ZNF713: variants seen among roughly 807,000 people sequenced by gnomAD.
ZNF713 encodes the protein zinc finger protein 713.
ZNF713 carries 21 observed loss-of-function variants against 28.7 expected under a neutral mutation model. That is an observed-to-expected ratio of 0.73 (90% CI 0.52 to 1.05). The LOEUF (loss-of-function observed/expected upper bound fraction) is 1.05, where lower values mean the gene tolerates loss of function less well. Ranked by LOEUF, ZNF713 falls within the 50% of genes least tolerant of loss-of-function variation. The probability of loss-of-function intolerance (pLI) is 0.00; values close to 1 mark genes in which losing one functional copy is unlikely to be tolerated. For synonymous variants in ZNF713, 167 were observed against 178.0 expected (o/e 0.94, Z 0.49); for missense variants, 458 against 532.4 (o/e 0.86, Z 1.37).
chr7:55,919,751 A>G (rs1033194507), intron 4 of ZNF713, among the ~76,000 whole-genome samples: 1 of 152,110 alleles, frequency 6.6e-6, no homozygotes, highest in Non-Finnish European at 1.5e-5. Flanking sequence ...TAAAAGCTCA[A>G]TTAATCACCA....
intron 1 of ZNF713, 107 bp downstream of exon 1, chr7:55,887,787 CGGGGGGCGGAGGCGGG>C: frequency 7.9e-3 from 5 of 632 alleles, no homozygotes; most frequent in Admixed American, 0.021. Flanking sequence ...GGGGCGGAGG[CGGGGGGCGGAGGCGGG>C]GGGCGGCGGG....
At position 55,923,601 on chromosome 7, in the gene ZNF713, G is replaced by A. The variant is rs746673284; in HGVS notation, c.215-6G>A. ...CTCCTAAGATGTATGTTACTCCTGT[G>A]AATAGGGTATCAGCTTTGTAAGCCA... is the stretch of plus-strand genomic sequence containing the variant. On this transcript the variant is annotated splice_region_variant and splice_polypyrimidine_tract_variant and intron_variant, in intron 5 of 6. Transcript: ENST00000429591. 19 of 1,591,116 alleles carry A rather than the reference G, an allele frequency of 1.2e-5. No individual in the cohort carries two copies. The highest frequency in any genetic ancestry group is 3.5e-5 in the Admixed American group (2 of 57,174).
intron 6 of ZNF713, among the ~76,000 whole-genome samples, chr7:55,929,157 A>G (rs1028631121): frequency 1.3e-5 from 2 of 152,132 alleles, no homozygotes; most frequent in African/African-American, 4.8e-5. Flanking sequence ...ACGTGCCTAC[A>G]AGAGTTTGAG....
intron 4 of ZNF713, among the ~76,000 whole-genome samples, chr7:55,919,490 GTTTTTTTTTTT>G (rs55656709): frequency 9.0e-5 from 6 of 66,770 alleles, no homozygotes; most frequent in South Asian, 5.2e-4. Flanking sequence ...AAACACTCCA[GTTTTTTTTTTT>G]TTTTTTTTTT....
rs761786285 is a variant in ZNF713 at position 55,940,055 on chromosome 7, G to C, written c.*49G>C. 2.7e-6 allele frequency: 4 copies of C among 1,506,296 alleles called. No individual in the cohort carries two copies. The highest frequency in any genetic ancestry group is 2.7e-6 in the Non-Finnish European group (3 of 1,130,702). 93.3% of individuals were successfully genotyped at this position (1,506,296 alleles called of 1,614,324 possible). ...AATATATAAATGTAGGAGATTTTTTGGTCAGACCTTTTTATCCCATTCAAT... is the reference window on the plus strand; with the variant it reads ...AATATATAAATGTAGGAGATTTTTTCGTCAGACCTTTTTATCCCATTCAAT... On this transcript the variant is annotated 3_prime_UTR_variant, in exon 7 of 7. Coordinates refer to ENST00000429591, the MANE Select transcript of ZNF713 (RefSeq NM_182633.3).
At chr7:55,937,584 A>C (rs1786379201) in intron 6 of ZNF713, among the ~76,000 whole-genome samples, 1 of 152,092 alleles carries the variant, frequency 6.6e-6, no homozygotes, top group South Asian at 2.1e-4. Flanking sequence ...TGACAATGTA[A>C]CAGTAGGAAC....
intron 6 of ZNF713, among the ~76,000 whole-genome samples, chr7:55,930,070 T>C (rs749226656): frequency 6.7e-6 from 1 of 148,244 alleles, no homozygotes; most frequent in Non-Finnish European, 1.5e-5. Flanking sequence ...GAACAGTTCT[T>C]TTTTTTTTGA....
At chr7:55,916,346 C>T (rs991020213) in intron 4 of ZNF713, among the ~76,000 whole-genome samples, 19 of 152,238 alleles carry the variant, frequency 1.2e-4, no homozygotes, top group African/African-American at 4.3e-4. Flanking sequence ...CACTGTTAAC[C>T]TGTCAAGCTT....
At chr7:55,915,852 T>G (rs1423877882) in intron 4 of ZNF713, among the ~76,000 whole-genome samples, 1 of 152,140 alleles carries the variant, frequency 6.6e-6, no homozygotes, top group African/African-American at 2.4e-5. Flanking sequence ...AGCAGAAAGA[T>G]AACATAATAA....
chr7:55,937,096 C>T (rs1374883285), intron 6 of ZNF713, among the ~76,000 whole-genome samples: 6 of 151,942 alleles, frequency 3.9e-5, no homozygotes, highest in Admixed American at 1.3e-4. Context: ...CTTGGGAATT[C>T]GAGACCAGCC....
chr7:55,887,846 GGCGGCGGCGGGCGGCGGGCGGCGGCGGC>G lies in ZNF713; in HGVS notation c.-583+168_-583+195del, dbSNP rs1562731726. ...CGGCGGGCGGCGGGCGGCGGGCGGC[GGCGGCGGCGGGCGGCGGGCGGCGGCGGC>G]GGCGGCGGCGGCGGGCGGCGGCGGC... On this transcript the variant is annotated intron_variant, in intron 1 of 6. Transcript: ENST00000429591. 5.6e-3 allele frequency among the ~76,000 whole-genome samples: 76 copies of G among 13,688 alleles called. 15 individuals carry two copies. The highest frequency in any genetic ancestry group is 0.017 in the East Asian group (6 of 362). The allele number at this position is 13,688 out of a possible 152,430, so 9.0% of individuals were successfully genotyped here. A position where few individuals can be genotyped will look rare whatever the true frequency, so the allele number is the denominator to read the frequency against.
intron 2 of ZNF713, among the ~76,000 whole-genome samples, chr7:55,909,775 T>C (rs1785749951): frequency 6.6e-6 from 1 of 152,200 alleles, no homozygotes; most frequent in Non-Finnish European, 1.5e-5. Flanking sequence ...AATGTATTCC[T>C]AGGTAATTTT....
intron 1 of ZNF713, among the ~76,000 whole-genome samples, chr7:55,902,195 AAAT>A (rs770505600): frequency 5.3e-5 from 8 of 152,150 alleles, no homozygotes; most frequent in Non-Finnish European, 8.8e-5. Flanking sequence ...CATCTCCAAA[AAAT>A]AAAAATAAAA....
chr7:55,895,336 G>C (rs1279202058), intron 1 of ZNF713, among the ~76,000 whole-genome samples: 1 of 152,050 alleles, frequency 6.6e-6, no homozygotes, highest in Non-Finnish European at 1.5e-5. Flanking sequence ...GATGCCATTC[G>C]GGTTTCAGGC....
intron 2 of ZNF713, among the ~76,000 whole-genome samples, chr7:55,910,102 C>G (rs1785759448): frequency 6.6e-6 from 1 of 151,760 alleles, no homozygotes; most frequent in Non-Finnish European, 1.5e-5. Context: ...CTCAAGCTAT[C>G]CTCCCACCTC....
In ZNF713 at chr7:55,923,701, T is replaced by C. The variant is rs759565108; in HGVS notation, c.307+2T>C. On this transcript the variant is annotated splice_donor_variant, in intron 6 of 6. Transcript: ENST00000429591. LOFTEE classifies it high-confidence loss of function. ...ACAGCCTGCTGGATACTCATCCAGG[T>C]AAGTGCACACTCTTGGGCACTGCTA... 1 of 1,609,826 alleles carries C rather than the reference T, an allele frequency of 6.2e-7. No homozygotes were observed. Among genetic ancestry groups the C allele is most frequent in the Non-Finnish European group, 8.5e-7 (1 of 1,177,376 alleles).
rs540650902 is a variant in ZNF713, at chr7:55,895,731, G to C, written c.-583+8051G>C. 8.5e-5 allele frequency among the ~76,000 whole-genome samples: 13 copies of C among 152,206 alleles called. No homozygotes were observed. The South Asian group carries it at 1.4e-3, about 17-fold the overall frequency. ...AATCTGCCCGCCTTGGCCTCCCAAA[G>C]TGCTGGGATTACAGGTGTGAGCCAC... On this transcript the variant is annotated intron_variant, in intron 1 of 6. Coordinates refer to ENST00000429591, the MANE Select transcript of ZNF713 (RefSeq NM_182633.3).
intron 1 of ZNF713, among the ~76,000 whole-genome samples, chr7:55,899,041 A>G (rs1195512564): frequency 6.6e-6 from 1 of 152,192 alleles, no homozygotes; most frequent in Non-Finnish European, 1.5e-5. Context: ...ATCACAGCAA[A>G]CTACAGGAGT....
chr7:55,939,910 C>T lies in ZNF713; in HGVS notation c.1236C>T (p.His412=). ...GGAAAGCCTTTAGCCAGAGTGCACA[C>T]CTTAATCAACACAGGAAAATCCATA... The part of the protein sequence containing the change: ...ECGKAFSQSA[H]LNQHRKIHTR... The change falls in exon 7 of 7, where the codon CAC becomes CAT. Residue 412 remains histidine, a synonymous_variant. Transcript: ENST00000429591. 6.2e-7 allele frequency: 1 copy of T among 1,614,018 alleles called. No individual in the cohort carries two copies. The highest frequency in any genetic ancestry group is 1.1e-5 in the South Asian group (1 of 91,072).
Sources: allele counts gnomAD v4.1 joint callset (sites outside exome capture counted in the v4.1 genomes callset), GRCh38; gene constraint gnomAD v4.1.1; transcripts MANE v1.5; gene names NCBI Gene and HGNC (gene_info 2026-07-23, HGNC 2026-07-21).